The following ASB18 variants were observed in gnomAD, a reference collection of about 807,000 sequenced individuals.
The protein encoded by ASB18 is ankyrin repeat and SOCS box containing 18.
A neutral mutation model predicts 33.4 loss-of-function variants in ASB18; 33 were observed. The ratio of observed to expected loss-of-function variants is 0.99; its 90% CI spans 0.75 to 1.32. ASB18 has a LOEUF of 1.32. Among genes scored for constraint, ASB18 ranks in the 40% most tolerant of loss-of-function variants. ASB18 has a pLI of 0.00. For synonymous variants in ASB18, 295 were observed against 307.6 expected (o/e 0.96, Z 0.43); for missense variants, 694 against 655.5 (o/e 1.06, Z -0.64).
intron 3 of ASB18, among the ~76,000 whole-genome samples, chr2:236,236,810 T>C (rs1331150474): frequency 2.0e-5 from 3 of 152,136 alleles, no homozygotes; most frequent in Non-Finnish European, 4.4e-5. Flanking sequence ...TTCCCAGCAC[T>C]AAACGTGGGC....
rs2060636576 is a variant in ASB18, at chr2:236,244,739, G to A, written c.206-3337C>T. On this transcript the variant is annotated intron_variant, in intron 1 of 5. Transcript: ENST00000409749. This position sits in a 1 kb window ranked among gnomAD's most constrained non-coding sequence, Gnocchi z 6.1. Reference sequence around the variant, plus strand: ...TTTCACCAAGATCTTCTATAACTAAGGAGTGCTCAGCAAAGGGAGACCTTT... The same window carrying A: ...TTTCACCAAGATCTTCTATAACTAAAGAGTGCTCAGCAAAGGGAGACCTTT... Among the ~76,000 whole-genome samples, 1 of 152,140 alleles carries A rather than the reference G, an allele frequency of 6.6e-6. No homozygotes were observed. The highest frequency in any genetic ancestry group is 2.4e-5 in the African/African-American group (1 of 41,420).
rs758085830 is a variant in ASB18, at chr2:236,235,556, A to G, written c.596+2133T>C. Among the ~76,000 whole-genome samples, 2 of 152,246 alleles carry G rather than the reference A, an allele frequency of 1.3e-5. No individual in the cohort carries two copies. The highest frequency in any genetic ancestry group is 1.3e-4 in the Admixed American group (2 of 15,286). On this transcript the variant is annotated intron_variant, in intron 3 of 5. Coordinates refer to ENST00000409749, the MANE Select transcript of ASB18 (RefSeq NM_212556.4). The surrounding 1 kb of genome is among the most constrained non-coding windows in gnomAD (Gnocchi z 6.2). ...GGAAATGAAAATCAAAACTATAACA[A>G]GACATGTGTACACACCTATTAGAAT...
chr2:236,237,429 C>G lies in ASB18; in HGVS notation c.596+260G>C, dbSNP rs1444793474. ...CGCGGGGCGGGGGCCGGGGCCGGGG[C>G]GCGGGGCGAGGGCCGGGAGGTGCCA... On this transcript the variant is annotated intron_variant, in intron 3 of 5. Coordinates refer to ENST00000409749, the MANE Select transcript of ASB18 (RefSeq NM_212556.4). The surrounding 1 kb of genome is among the most constrained non-coding windows in gnomAD (Gnocchi z 6.2). 3.0e-5 allele frequency among the ~76,000 whole-genome samples: 2 copies of G among 66,362 alleles called. No individual in the cohort carries two copies. Among genetic ancestry groups the G allele is most frequent in the South Asian group, 8.7e-4 (2 of 2,290 alleles). The allele number at this position is 66,362 out of a possible 152,430, so 43.5% of individuals were successfully genotyped here.
At position 236,194,416 on chromosome 2, in the gene ASB18, T is replaced by C. The variant is rs552442545; in HGVS notation, c.*456A>G. 6.6e-6 allele frequency among the ~76,000 whole-genome samples: 1 copy of C among 152,326 alleles called. No homozygotes were observed. Among genetic ancestry groups the C allele is most frequent in the East Asian group, 1.9e-4 (1 of 5,182 alleles). On this transcript the variant is annotated 3_prime_UTR_variant, in exon 6 of 6. Transcript: ENST00000409749. This position sits in a 1 kb window ranked among gnomAD's most constrained non-coding sequence, Gnocchi z 4.5. ...TTTACTATTAGAATTGTATTGGTCTTTATTTAGAAGTGTGGTGATCTTTTT... is the reference window on the plus strand; with the variant it reads ...TTTACTATTAGAATTGTATTGGTCTCTATTTAGAAGTGTGGTGATCTTTTT...
Position 236,214,961 on chromosome 2 carries a change from G to T in ASB18, c.597-95C>A. On this transcript the variant is annotated intron_variant, in intron 3 of 5. Transcript: ENST00000409749. The surrounding 1 kb of genome is among the most constrained non-coding windows in gnomAD (Gnocchi z 6.5). ...TGCTGCAAAATATCAAGTGACCTCT[G>T]AATGAAAAGACATGCTCCGCTCTCC... 7.5e-6 allele frequency: 7 copies of T among 934,272 alleles called. No homozygotes were observed. The highest frequency in any genetic ancestry group is 1.0e-4 in the East Asian group (2 of 19,658). The allele number at this position is 934,272 out of a possible 1,614,324, so 57.9% of individuals were successfully genotyped here.
chr2:236,240,576 C>A (rs907700677), intron 2 of ASB18, among the ~76,000 whole-genome samples: 1 of 152,158 alleles, frequency 6.6e-6, no homozygotes, highest in Non-Finnish European at 1.5e-5. Context: ...AAGCAGGGTG[C>A]CATCCGAGAA....
At position 236,204,187 on chromosome 2, in the gene ASB18, C is replaced by T. The variant is rs999410450; in HGVS notation, c.1102-7802G>A. Among the ~76,000 whole-genome samples, 2 of 152,316 alleles carry T rather than the reference C, an allele frequency of 1.3e-5. No homozygotes were observed. Among genetic ancestry groups the T allele is most frequent in the African/African-American group, 2.4e-5 (1 of 41,566 alleles). On this transcript the variant is annotated intron_variant, in intron 4 of 5. Coordinates refer to ENST00000409749, the MANE Select transcript of ASB18 (RefSeq NM_212556.4). This position sits in a 1 kb window ranked among gnomAD's most constrained non-coding sequence, Gnocchi z 5.1. ...TGGGCCATTAGCCCCAGCCACTCCC[C>T]CATACTGTCCTTACCAATGGCACCA...
At chr2:236,227,225 GTTATGT>G (rs2060544994) in intron 3 of ASB18, among the ~76,000 whole-genome samples, 1 of 152,184 alleles carries the variant, frequency 6.6e-6, no homozygotes, top group South Asian at 2.1e-4. Flanking sequence ...ATAATGGGGA[GTTATGT>G]TCTTGACTAG....
rs1266354768 is a variant in ASB18 at position 236,216,203 on chromosome 2, T to A, written c.597-1337A>T. ...GGCCTTGGTCTCAGCTGGGCCTCAG[T>A]TAACTGATATCTTTCAGTGTTAAGG... is the stretch of plus-strand genomic sequence containing the variant. On this transcript the variant is annotated intron_variant, in intron 3 of 5. Coordinates refer to ENST00000409749, the MANE Select transcript of ASB18 (RefSeq NM_212556.4). This position sits in a 1 kb window ranked among gnomAD's most constrained non-coding sequence, Gnocchi z 6.1. 6.6e-6 allele frequency among the ~76,000 whole-genome samples: 1 copy of A among 152,214 alleles called. No individual in the cohort carries two copies. The highest frequency in any genetic ancestry group is 1.5e-5 in the Non-Finnish European group (1 of 68,032).
At position 236,196,105 on chromosome 2, in the gene ASB18, G is replaced by A; in HGVS notation, c.1215+167C>T. The A allele has an allele frequency of 1.5e-6, 1 of 655,912 alleles. No homozygotes were observed. The highest frequency in any genetic ancestry group is 2.8e-6 in the Non-Finnish European group (1 of 353,052). 40.6% of individuals were successfully genotyped at this position (655,912 alleles called of 1,614,324 possible). On this transcript the variant is annotated intron_variant, in intron 5 of 5. Transcript: ENST00000409749. The surrounding 1 kb of genome is among the most constrained non-coding windows in gnomAD (Gnocchi z 5.6). The stretch of plus-strand genomic sequence containing the variant: ...ACAAGCTCCTGGCTGTGTGATTATG[G>A]AGCCTCCAGAAAAAACCAGAAACGT...
chr2:236,248,033 C>T lies in ASB18; in HGVS notation c.206-6631G>A, dbSNP rs13416480. The T allele has an allele frequency of 0.26, 39,842 of 152,008 alleles. 7,869 individuals are homozygous for T. The highest frequency in any genetic ancestry group is 0.56 in the African/African-American group (23,223 of 41,404). The allele number at this position is 152,008 out of a possible 1,614,324, so 9.4% of individuals were successfully genotyped here. A position where few individuals can be genotyped will look rare whatever the true frequency, so the allele number is the denominator to read the frequency against. On this transcript the variant is annotated intron_variant, in intron 1 of 5. Transcript: ENST00000409749. The surrounding 1 kb of genome is among the most constrained non-coding windows in gnomAD (Gnocchi z 4.9). ...GACAGGGTTATCATAAATATGCAGA[C>T]GGGGTGTAGGCAGCAACATGCAATG...
At position 236,225,293 on chromosome 2, in the gene ASB18, T is replaced by G. The variant is rs2060531881; in HGVS notation, c.597-10427A>C. The stretch of plus-strand genomic sequence containing the variant: ...TGTGCCACCATGCCTTGCTAATTTT[T>G]GCAGAGATGGGGTCTCACTATGTTG... On this transcript the variant is annotated intron_variant, in intron 3 of 5. Coordinates refer to ENST00000409749, the MANE Select transcript of ASB18 (RefSeq NM_212556.4). The surrounding 1 kb of genome is among the most constrained non-coding windows in gnomAD (Gnocchi z 5.1). 6.6e-6 allele frequency among the ~76,000 whole-genome samples: 1 copy of G among 152,054 alleles called. No individual in the cohort carries two copies. The highest frequency in any genetic ancestry group is 2.1e-4 in the South Asian group (1 of 4,822).
Position 236,209,190 on chromosome 2 carries a change from A to G in ASB18, c.1101+5172T>C, listed in dbSNP as rs1455617146. Among the ~76,000 whole-genome samples the G allele has an allele frequency of 6.6e-6, 1 of 152,088 alleles. No individual in the cohort carries two copies. The highest frequency in any genetic ancestry group is 1.5e-5 in the Non-Finnish European group (1 of 68,020). ...GTAATTAGGTAAAAAGAAAACATGA[A>G]AACTTTAGGTCTCCATTTTCAGTAT... On this transcript the variant is annotated intron_variant, in intron 4 of 5. Coordinates refer to ENST00000409749, the MANE Select transcript of ASB18 (RefSeq NM_212556.4). The surrounding 1 kb of genome is among the most constrained non-coding windows in gnomAD (Gnocchi z 4.4).
chr2:236,227,606 A>G (rs188096897), intron 3 of ASB18, among the ~76,000 whole-genome samples: 252 of 152,356 alleles, frequency 1.7e-3, no homozygotes, highest in African/African-American at 5.9e-3. Flanking sequence ...CAAATGTGGT[A>G]AAATATCTAT....
rs1400667546 is a variant in ASB18 at position 236,256,818 on chromosome 2, A to G, written c.205+7323T>C. 2.0e-5 allele frequency among the ~76,000 whole-genome samples: 3 copies of G among 152,126 alleles called. No homozygotes were observed. The highest frequency in any genetic ancestry group is 7.2e-5 in the African/African-American group (3 of 41,414). On this transcript the variant is annotated intron_variant, in intron 1 of 5. Coordinates refer to ENST00000409749, the MANE Select transcript of ASB18 (RefSeq NM_212556.4). This position sits in a 1 kb window ranked among gnomAD's most constrained non-coding sequence, Gnocchi z 4.7. ...TTTTTTCTTGTCCATATGCCTTTGA[A>G]GCCGGACCATTAGCTCTAAGGCATG...
chr2:236,230,021 A>G (rs2060557368), intron 3 of ASB18, among the ~76,000 whole-genome samples: 1 of 152,134 alleles, frequency 6.6e-6, no homozygotes, highest in Non-Finnish European at 1.5e-5. Flanking sequence ...CCTCAACTCT[A>G]CAATAAATAA....
chr2:236,243,529 G>T (rs898132444), intron 1 of ASB18, among the ~76,000 whole-genome samples: 3 of 152,046 alleles, frequency 2.0e-5, no homozygotes, highest in African/African-American at 4.8e-5. Flanking sequence ...AAATGACCAG[G>T]TTCCAGATAA....
chr2:236,226,868 A>C lies in ASB18; in HGVS notation c.596+10821T>G, dbSNP rs931846758. On this transcript the variant is annotated intron_variant, in intron 3 of 5. Coordinates refer to ENST00000409749, the MANE Select transcript of ASB18 (RefSeq NM_212556.4). The surrounding 1 kb of genome is among the most constrained non-coding windows in gnomAD (Gnocchi z 4.8). ...TTAAATTATTTTAGATTTTCAGAGG[A>C]GTTGCAAAGATAGCATAGAGAGTTT... 6.6e-6 allele frequency among the ~76,000 whole-genome samples: 1 copy of C among 152,182 alleles called. No individual in the cohort carries two copies.
At position 236,252,943 on chromosome 2, in the gene ASB18, G is replaced by A. The variant is rs1313045113; in HGVS notation, c.205+11198C>T. 6.6e-6 allele frequency among the ~76,000 whole-genome samples: 1 copy of A among 152,228 alleles called. No homozygotes were observed. Among genetic ancestry groups the A allele is most frequent in the African/African-American group, 2.4e-5 (1 of 41,460 alleles). ...GCCAGATCCAGTGATGGATCCAGGT[G>A]CAGCTAGAGCTGTCCTGCCATTTTG... On this transcript the variant is annotated intron_variant, in intron 1 of 5. Transcript: ENST00000409749. This position sits in a 1 kb window ranked among gnomAD's most constrained non-coding sequence, Gnocchi z 7.9.
Sources: gnomAD v4.1 joint callset for allele counts (sites outside exome capture counted in the v4.1 genomes callset) on GRCh38, gnomAD v4.1.1 for gene constraint, Gnocchi (gnomAD v3.1) non-coding constraint, MANE v1.5 for transcripts, NCBI Gene and HGNC (gene_info 2026-07-23, HGNC 2026-07-21) for gene names.